Variants in TRIM5 observed in about 807,000 individuals in gnomAD.
The protein encoded by TRIM5 is tripartite motif-containing protein 5.
In TRIM5, 31 loss-of-function variants were observed where a neutral mutation model predicts 35.6. That is an observed-to-expected ratio of 0.87 (90% CI 0.65 to 1.18). The LOEUF is 1.18. Ranked by LOEUF, TRIM5 falls within the 50% of genes most tolerant of loss-of-function variation. The probability of loss-of-function intolerance (pLI) is 0.00; values close to 1 mark genes in which losing one functional copy is unlikely to be tolerated. For missense variants in TRIM5, 609 were observed against 591.6 expected, an observed-to-expected ratio of 1.03 and a Z score of -0.31; for synonymous variants, 243 against 215.6, an observed-to-expected ratio of 1.13 and a Z score of -1.11.
chr11:5,622,338 G>A, the TRIM5 span, among the ~76,000 whole-genome samples: 7 of 152,034 alleles, frequency 4.6e-5, no homozygotes, highest in Non-Finnish European at 7.4e-5. Flanking sequence ...CCGGCTACTT[G>A]GGAGGCTGAG....
At chr11:5,639,707 A>AAAAAAAAAAT in the TRIM5 span, among the ~76,000 whole-genome samples, 1 of 139,996 alleles carries the variant, frequency 7.1e-6, no homozygotes. Context: ...AAAAAAAAAA[A>AAAAAAAAAAT]GATTGGAAGA....
At chr11:5,633,605 G>A in the TRIM5 span, among the ~76,000 whole-genome samples, 33 of 152,244 alleles carry the variant, frequency 2.2e-4, no homozygotes, top group Middle Eastern at 3.4e-3. Flanking sequence ...CTTTTGAGGG[G>A]TATTGATTTT....
chr11:5,666,149 T>G, intron 5 of TRIM5, 68 bp from the exon 6 acceptor site: 1 of 1,324,142 alleles, frequency 7.6e-7, no homozygotes. Flanking sequence ...CACCCCTGAC[T>G]TCCTATCATT....
At chr11:5,622,638 TA>T in the TRIM5 span, among the ~76,000 whole-genome samples, 99,345 of 151,470 alleles carry the variant, frequency 0.66, 33,397 homozygotes, top group East Asian at 0.92. Context: ...AACAAACAAA[TA>T]AAAAAAACCG....
chr11:5,665,859 C>T, intron 6 of TRIM5, 122 bp downstream of exon 6: 1 of 1,303,870 alleles, frequency 7.7e-7, no homozygotes, highest in South Asian at 1.6e-5. Flanking sequence ...CCATCAGCAG[C>T]AGACAATATC....
At chr11:5,627,062 C>T in the TRIM5 span, among the ~76,000 whole-genome samples, 1 of 151,998 alleles carries the variant, frequency 6.6e-6, no homozygotes, top group Middle Eastern at 3.4e-3. Flanking sequence ...GATGTAAGAA[C>T]AGAGATGAGA....
At chr11:5,673,473 A>T (rs1018962443) in intron 4 of TRIM5, among the ~76,000 whole-genome samples, 2 of 152,184 alleles carry the variant, frequency 1.3e-5, no homozygotes, top group Non-Finnish European at 2.9e-5. Flanking sequence ...ACAACTCAAT[A>T]ACAACTGGTG....
chr11:5,654,864 C>A, the TRIM5 span, among the ~76,000 whole-genome samples: 2 of 151,972 alleles, frequency 1.3e-5, no homozygotes, highest in African/African-American at 4.8e-5. Context: ...TCATTATGTA[C>A]CACAGCATTT....
chr11:5,681,085 TGTAGACATG>T (rs1370442362), intron 1 of TRIM5, among the ~76,000 whole-genome samples: 1 of 152,124 alleles, frequency 6.6e-6, no homozygotes, highest in Non-Finnish European at 1.5e-5. Flanking sequence ...AGCCTAAAGG[TGTAGACATG>T]GTGTAGAGGG....
At chr11:5,589,552 T>C in the TRIM5 span, 1 of 152,232 alleles carries the variant, frequency 6.6e-6, no homozygotes, top group Non-Finnish European at 1.5e-5. Context: ...GATTCTCTCC[T>C]TAATTAACTA....
chr11:5,604,164 G>GTAT, the TRIM5 span, among the ~76,000 whole-genome samples: 1,050 of 145,522 alleles, frequency 7.2e-3, 14 homozygotes, highest in African/African-American at 0.024. Flanking sequence ...CCAGCTAATT[G>GTAT]TGTGTGTGTG....
chr11:5,682,478 C>T (rs935978497), intron 1 of TRIM5, among the ~76,000 whole-genome samples: 2 of 151,936 alleles, frequency 1.3e-5, no homozygotes, highest in Admixed American at 1.3e-4. Flanking sequence ...CCAGGGAAGC[C>T]CTGATGAAAT....
At chr11:5,602,336 G>A in the TRIM5 span, among the ~76,000 whole-genome samples, 36 of 151,800 alleles carry the variant, frequency 2.4e-4, no homozygotes, top group African/African-American at 6.8e-4. Flanking sequence ...CCAGCTACTC[G>A]GGAGGCTGAG....
the TRIM5 span, among the ~76,000 whole-genome samples, chr11:5,650,158 A>G: frequency 1.3e-5 from 2 of 152,252 alleles, no homozygotes; most frequent in Admixed American, 6.5e-5. Flanking sequence ...ATCTGTATCC[A>G]GAGTAAATGT....
At chr11:5,680,656 T>G (rs59386016) in intron 1 of TRIM5, among the ~76,000 whole-genome samples, 17,932 of 152,184 alleles carry the variant, frequency 0.12, 1,233 homozygotes, top group East Asian at 0.29. Flanking sequence ...GCATGAAATG[T>G]TTCTCTGATG....
the TRIM5 span, chr11:5,610,202 G>T: frequency 3.7e-6 from 6 of 1,614,014 alleles, no homozygotes; most frequent in African/African-American, 5.3e-5. Flanking sequence ...TGAGAAGTAT[G>T]TTCCGAGCCC....
chr11:5,608,681 ACT>A, the TRIM5 span, among the ~76,000 whole-genome samples: 1 of 151,212 alleles, frequency 6.6e-6, no homozygotes, highest in African/African-American at 2.4e-5. Context: ...ACAAAGGGAG[ACT>A]CTGCCTCAAA....
chr11:5,657,604 A>ATTATATATAATGCATTATATATAT, the TRIM5 span, among the ~76,000 whole-genome samples: 7 of 92,114 alleles, frequency 7.6e-5, no homozygotes, highest in African/African-American at 3.8e-4. Context: ...TATATAATAT[A>ATTATATATAATGCATTATATATAT]TATTTATATA....
chr11:5,679,027 C>A (rs763905573), intron 3 of TRIM5, 47 bp downstream of exon 3: 1 of 1,519,416 alleles, frequency 6.6e-7, no homozygotes, highest in Non-Finnish European at 9.1e-7. Context: ...TTCCCCTGGT[C>A]CTGCCCAGAT....
Sources: allele counts gnomAD v4.1 joint callset (sites outside exome capture counted in the v4.1 genomes callset), GRCh38; gene constraint gnomAD v4.1.1; transcripts MANE v1.5; gene names NCBI Gene and HGNC (gene_info 2026-07-23, HGNC 2026-07-21).